SPAM1: variants seen among roughly 807,000 people sequenced by gnomAD.
SPAM1 encodes the protein hyaluronidase PH-20.
A neutral mutation model predicts 29.6 loss-of-function variants in SPAM1; 22 were observed. That is an observed-to-expected ratio of 0.74 (90% CI 0.53 to 1.06). The LOEUF is 1.06. Ranked by LOEUF, SPAM1 falls within the 50% of genes least tolerant of loss-of-function variation. The probability of loss-of-function intolerance (pLI) is 0.00; values close to 1 mark genes in which losing one functional copy is unlikely to be tolerated. For missense variants in SPAM1, 534 were observed against 604.0 expected (o/e 0.88, Z 1.21); for synonymous variants, 194 against 204.6 (o/e 0.95, Z 0.44).
At chr7:123,947,796 G>C (rs2117049485) in intron 1 of SPAM1, 2 of 152,196 alleles carry the variant, frequency 1.3e-5, no homozygotes, top group South Asian at 4.2e-4. Context: ...AAAGTAAGTT[G>C]CCTTTGTTCT....
rs369556564 is a variant in SPAM1 at position 123,970,231 on chromosome 7, A to G, written c.1519A>G (p.Arg507Gly). Reference sequence around the variant, plus strand: ...GGAAGTCTGGGATCAAGGTATTAGCAGAATTGGTTTCTTCTGAGAGTCATG... The same window carrying G: ...GGAAGTCTGGGATCAAGGTATTAGCGGAATTGGTTTCTTCTGAGAGTCATG... The change falls in exon 6 of 7, where the codon AGA becomes GGA. Residue 507 changes from arginine (R) to glycine (G), a missense_variant. Arg to Gly is a moderately radical substitution (Grantham distance 125). Coordinates refer to the SPAM1 transcript ENST00000340011. 8 of 1,549,272 alleles carry G rather than the reference A, an allele frequency of 5.2e-6. No individual in the cohort carries two copies. The African/African-American group carries it at 1.1e-4, about 21-fold the overall frequency.
intron 1 of SPAM1, among the ~76,000 whole-genome samples, chr7:123,929,076 G>T (rs543704317): frequency 1.3e-5 from 2 of 152,224 alleles, no homozygotes; most frequent in South Asian, 4.1e-4. Flanking sequence ...ATTTGCTTCC[G>T]TATTCTAGAC....
chr7:123,958,542 G>A (rs934161118), intron 4 of SPAM1, among the ~76,000 whole-genome samples: 4 of 151,954 alleles, frequency 2.6e-5, no homozygotes, highest in African/African-American at 9.7e-5. Flanking sequence ...AAACTTGTCT[G>A]GCAGGTGAGG....
chr7:123,957,004 A>T lies in SPAM1; in HGVS notation c.1044+1918A>T, dbSNP rs564346806. 2.6e-5 allele frequency among the ~76,000 whole-genome samples: 4 copies of T among 152,036 alleles called. No homozygotes were observed. The South Asian group carries it at 8.3e-4, about 32-fold the overall frequency. ...GGTTAATGATTCTCAAGCCATTCTCATCCTTTTACTACTCTTTGTGTAACC... is the reference window on the plus strand; with the variant it reads ...GGTTAATGATTCTCAAGCCATTCTCTTCCTTTTACTACTCTTTGTGTAACC... On this transcript the variant is annotated intron_variant, in intron 4 of 4. Transcript: ENST00000682466.
chr7:123,932,747 C>A (rs909684270), intron 1 of SPAM1, among the ~76,000 whole-genome samples: 3 of 152,186 alleles, frequency 2.0e-5, no homozygotes, highest in African/African-American at 7.2e-5. Context: ...AAGGGAAAGA[C>A]AAGGATAGTC....
At chr7:123,932,936 G>C (rs1808131245) in intron 1 of SPAM1, among the ~76,000 whole-genome samples, 1 of 152,174 alleles carries the variant, frequency 6.6e-6, no homozygotes, top group African/African-American at 2.4e-5. Context: ...TGTAGGGAAA[G>C]AAAAGTAACC....
At chr7:123,941,868 C>T (rs996723323) in intron 1 of SPAM1, among the ~76,000 whole-genome samples, 9 of 152,092 alleles carry the variant, frequency 5.9e-5, no homozygotes, top group African/African-American at 1.9e-4. Context: ...GTGGCTAGGG[C>T]AGTTTATTCC....
Position 123,953,924 on chromosome 7 carries a change from T to G in SPAM1, c.354T>G (p.Ile118Met), listed in dbSNP as rs1277825613. ...TGAATGGAGGAATCCCCCAGAAGAT[T>G]TCCTTACAAGACCATCTGGACAAAG... ...VTVNGGIPQK[I>M]SLQDHLDKAK... is the part of the protein sequence containing the mutation. Residue 118 changes from isoleucine to methionine, a missense_variant, in exon 3 of 5, where the codon ATT becomes ATG. Coordinates refer to ENST00000682466, the MANE Select transcript of SPAM1 (RefSeq NM_153189.3). 1.7e-5 allele frequency: 28 copies of G among 1,613,620 alleles called. No homozygotes were observed. The highest frequency in any genetic ancestry group is 2.3e-5 in the Non-Finnish European group (27 of 1,179,828).
At chr7:123,950,763 C>G (rs1195958873) in intron 2 of SPAM1, among the ~76,000 whole-genome samples, 3 of 151,894 alleles carry the variant, frequency 2.0e-5, no homozygotes, top group African/African-American at 4.8e-5. Context: ...ATTTCTTTTC[C>G]TTTGAGTAGA....
At chr7:123,947,967 G>GA (rs1222219540) in intron 1 of SPAM1, among the ~76,000 whole-genome samples, 1 of 152,062 alleles carries the variant, frequency 6.6e-6, no homozygotes, top group Non-Finnish European at 1.5e-5. Context: ...GACGAGGCTG[G>GA]AAAGAACCAA....
downstream of SPAM1, among the ~76,000 whole-genome samples, chr7:123,964,328 C>A (rs1792395995): frequency 6.6e-6 from 1 of 151,596 alleles, no homozygotes; most frequent in Admixed American, 6.6e-5. Flanking sequence ...TAATAATAAA[C>A]CTCAAAGTAG....
At chr7:123,941,947 G>A (rs1014688665) in intron 1 of SPAM1, among the ~76,000 whole-genome samples, 5 of 152,126 alleles carry the variant, frequency 3.3e-5, no homozygotes, top group Non-Finnish European at 7.4e-5. Flanking sequence ...ACATTCTACA[G>A]AAAGAAAATA....
chr7:123,954,247 A>G lies in SPAM1; in HGVS notation c.677A>G (p.Asn226Ser), dbSNP rs1563029675. 2.5e-6 allele frequency: 4 copies of G among 1,613,308 alleles called. No individual in the cohort carries two copies. The highest frequency in any genetic ancestry group is 3.4e-6 in the Non-Finnish European group (4 of 1,179,670). Residue 226 changes from asparagine to serine, a missense_variant, in exon 3 of 5, where the codon AAC (asparagine) becomes AGC (serine). Transcript: ENST00000682466. ...WGYYLFPDCYNHHYKKPGYNG... is the reference protein window; with the variant it reads ...WGYYLFPDCYSHHYKKPGYNG... The stretch of plus-strand genomic sequence containing the variant: ...TATTATCTTTTTCCGGATTGTTACA[A>G]CCATCACTATAAGAAACCCGGTTAC...
intron 4 of SPAM1, among the ~76,000 whole-genome samples, chr7:123,955,869 T>C (rs1792238581): frequency 6.6e-6 from 1 of 151,986 alleles, no homozygotes; most frequent in Non-Finnish European, 1.5e-5. Context: ...CTTGGTAAAG[T>C]ATTTTATGTG....
intron 1 of SPAM1, among the ~76,000 whole-genome samples, chr7:123,945,701 T>C (rs1156245685): frequency 6.6e-6 from 1 of 152,146 alleles, no homozygotes; most frequent in Non-Finnish European, 1.5e-5. Context: ...TCCCTGGTAT[T>C]GAAGATGGTG....
downstream of SPAM1, among the ~76,000 whole-genome samples, chr7:123,961,067 G>A (rs938651486): frequency 7.9e-5 from 12 of 151,380 alleles, no homozygotes; most frequent in Admixed American, 4.6e-4. Flanking sequence ...TGTACTAATT[G>A]TACATATTTA....
chr7:123,930,740 A>G (rs1265770413), intron 1 of SPAM1, among the ~76,000 whole-genome samples: 1 of 152,072 alleles, frequency 6.6e-6, no homozygotes, highest in Non-Finnish European at 1.5e-5. Context: ...TTACTGGGGG[A>G]ACTTACATAC....
At chr7:123,960,975 A>C (rs1459276355), downstream of SPAM1, among the ~76,000 whole-genome samples, 1 of 151,920 alleles carries the variant, frequency 6.6e-6, no homozygotes, top group African/African-American at 2.4e-5. Flanking sequence ...GAAGTTTTTA[A>C]AATTGAACCA....
downstream of SPAM1, among the ~76,000 whole-genome samples, chr7:123,961,464 A>G (rs1467384219): frequency 6.6e-6 from 1 of 151,900 alleles, no homozygotes; most frequent in African/African-American, 2.4e-5. Flanking sequence ...AATGGCCTCT[A>G]GTTCCATCCA....
Sources: gnomAD v4.1 joint callset for allele counts (sites outside exome capture counted in the v4.1 genomes callset) on GRCh38, gnomAD v4.1.1 for gene constraint, MANE v1.5 for transcripts, NCBI Gene and HGNC (gene_info 2026-07-23, HGNC 2026-07-21) for gene names.